The following CEP120 variants were observed in gnomAD, a reference collection of about 807,000 sequenced individuals.
CEP120 encodes the protein centrosomal protein of 120 kDa.
CEP120 carries 113 observed loss-of-function variants against 126.5 expected under a neutral mutation model. The ratio of observed to expected loss-of-function variants is 0.89; its 90% CI spans 0.77 to 1.04. The LOEUF is 1.04. CEP120 is among the 50% of genes least tolerant of loss of function. The pLI is 0.00. For missense variants in CEP120, 1,230 were observed against 1,155.7 expected, an observed-to-expected ratio of 1.06 and a Z score of -0.93; for synonymous variants, 400 against 394.3, an observed-to-expected ratio of 1.01 and a Z score of -0.17.
rs997408459 is a variant in CEP120, at chr5:123,416,189, A to G, written c.207-65T>C. On this transcript the variant is annotated intron_variant, in intron 2 of 19. Transcript: ENST00000306467. ...AATAAACTTTCTATTGGCCTTGAAAATATTTCCTATTATCAAGATACTTAT... is the reference window on the plus strand; with the variant it reads ...AATAAACTTTCTATTGGCCTTGAAAGTATTTCCTATTATCAAGATACTTAT... 1.9e-5 allele frequency: 16 copies of G among 863,814 alleles called. No homozygotes were observed. In the Admixed American group the frequency reaches 2.8e-4, roughly 15 times the overall value. The allele number at this position is 863,814 out of a possible 1,614,324, so 53.5% of individuals were successfully genotyped here.
At chr5:123,419,554 A>C (rs547561179) in intron 1 of CEP120, among the ~76,000 whole-genome samples, 320 of 60,040 alleles carry the variant, frequency 5.3e-3, no homozygotes, top group African/African-American at 0.015. Context: ...AAACAAAAAC[A>C]AAAAAAAAAA....
intron 17 of CEP120, among the ~76,000 whole-genome samples, chr5:123,368,573 C>T (rs1770632831): frequency 6.6e-6 from 1 of 151,918 alleles, no homozygotes. Context: ...CCCAAGATAG[C>T]TTGGCAGTTA....
chr5:123,390,204 A>C (rs1421119195), intron 7 of CEP120, 64 bp from the exon 8 acceptor site: 12 of 1,160,522 alleles, frequency 1.0e-5, no homozygotes, highest in African/African-American at 1.6e-5. Flanking sequence ...TAAGCAAAAA[A>C]CTTGGCATTG....
chr5:123,402,009 A>G, intron 4 of CEP120: 3 of 1,607,760 alleles, frequency 1.9e-6, no homozygotes, highest in East Asian at 2.2e-5. Flanking sequence ...CTGCTGCTCC[A>G]GGAACCGTAC....
intron 14 of CEP120, among the ~76,000 whole-genome samples, chr5:123,378,722 T>C (rs1156997568): frequency 1.3e-5 from 2 of 152,106 alleles, no homozygotes; most frequent in African/African-American, 4.8e-5. Flanking sequence ...TTAATCTAAA[T>C]TTACAGAGGA....
intron 4 of CEP120, among the ~76,000 whole-genome samples, chr5:123,400,080 C>G (rs1178614085): frequency 6.6e-6 from 1 of 152,162 alleles, no homozygotes; most frequent in African/African-American, 2.4e-5. Flanking sequence ...ATATCAGGGC[C>G]TATCAAAATT....
At chr5:123,370,836 G>A (rs960630749) in intron 17 of CEP120, among the ~76,000 whole-genome samples, 2 of 150,906 alleles carry the variant, frequency 1.3e-5, no homozygotes, top group Admixed American at 6.6e-5. Flanking sequence ...CTTGAACTGA[G>A]CTCAAGCAAT....
At chr5:123,408,339 T>A (rs1383676886) in intron 4 of CEP120, among the ~76,000 whole-genome samples, 1 of 150,554 alleles carries the variant, frequency 6.6e-6, no homozygotes, top group Non-Finnish European at 1.5e-5. Flanking sequence ...GCTGGTTCTC[T>A]GAAAAGATAA....
chr5:123,358,489 T>G (rs1769820502), intron 18 of CEP120: 1 of 152,148 alleles, frequency 6.6e-6, no homozygotes, highest in Non-Finnish European at 1.5e-5. Flanking sequence ...GTGTCTATGT[T>G]ATATGGTGCT....
intron 16 of CEP120, among the ~76,000 whole-genome samples, chr5:123,375,591 GGGATTA>G (rs57798853): frequency 0.41 from 61,803 of 151,664 alleles, 12,623 homozygotes; most frequent in East Asian, 0.48. Context: ...CGAAAGTGTT[GGGATTA>G]CAAGTGTGAA....
chr5:123,416,246 C>A (rs943505968), intron 2 of CEP120, 122 bp from the exon 3 acceptor site: 1 of 638,568 alleles, frequency 1.6e-6, no homozygotes, highest in African/African-American at 1.8e-5. Context: ...AACTATTTTA[C>A]ATTGTCTAAA....
intron 18 of CEP120, among the ~76,000 whole-genome samples, chr5:123,360,566 CCTTTT>C (rs1769999460): frequency 6.7e-6 from 1 of 149,842 alleles, no homozygotes; most frequent in Non-Finnish European, 1.5e-5. Flanking sequence ...CTTTTTTTTT[CCTTTT>C]CTTTACAAAA....
At chr5:123,363,645 C>G (rs975556917) in intron 18 of CEP120, among the ~76,000 whole-genome samples, 2 of 151,488 alleles carry the variant, frequency 1.3e-5, no homozygotes, top group Admixed American at 6.6e-5. Context: ...ACTACCTACC[C>G]TAGTTTTTAA....
chr5:123,371,367 G>C (rs1355707770), intron 17 of CEP120, among the ~76,000 whole-genome samples: 1 of 152,036 alleles, frequency 6.6e-6, no homozygotes, highest in African/African-American at 2.4e-5. Context: ...GGCAAAGAGA[G>C]AGCTGGTACA....
rs1365764641 is a variant in CEP120, at chr5:123,391,171, A to G, written c.977T>C (p.Val326Ala). Residue 326 changes from valine to alanine, a missense_variant, in exon 7 of 20, where the codon GTG (valine) becomes GCG (alanine). Val to Ala is a moderately conservative substitution (Grantham distance 64). Transcript: ENST00000306467. ...RAKQKLAPIP[V>A]ELAPTVGVSV... is the part of the protein sequence containing the mutation. ...CACTCCCACAGTTGGGGCTAGCTCCACAGGAATAGGTGCAAGCTTCTGTTT... is the reference window on the plus strand; with the variant it reads ...CACTCCCACAGTTGGGGCTAGCTCCGCAGGAATAGGTGCAAGCTTCTGTTT... The G allele has an allele frequency of 8.1e-6, 13 of 1,614,082 alleles. No individual in the cohort carries two copies. The highest frequency in any genetic ancestry group is 1.1e-5 in the Non-Finnish European group (13 of 1,180,046).
At chr5:123,395,681 CTTTTTT>C (rs369612860) in intron 5 of CEP120, among the ~76,000 whole-genome samples, 2 of 127,410 alleles carry the variant, frequency 1.6e-5, no homozygotes, top group Non-Finnish European at 3.3e-5. Flanking sequence ...TACTTCATTC[CTTTTTT>C]TTTTTTTTTT....
chr5:123,357,983 C>T (rs1769769432), intron 18 of CEP120, among the ~76,000 whole-genome samples: 1 of 152,002 alleles, frequency 6.6e-6, no homozygotes, highest in Non-Finnish European at 1.5e-5. Context: ...TTTAGTGAAG[C>T]TGAAGAAATG....
At chr5:123,386,490 A>G in intron 10 of CEP120, 28 bp downstream of exon 10, 1 of 1,350,478 alleles carries the variant, frequency 7.4e-7, no homozygotes, top group Non-Finnish European at 9.7e-7. Context: ...TAAATTAATT[A>G]ATATCATACA....
At chr5:123,402,243 C>G (rs368994953) in intron 4 of CEP120, 12 of 1,502,838 alleles carry the variant, frequency 8.0e-6, no homozygotes, top group South Asian at 2.4e-5. Flanking sequence ...GCTTGAGGAG[C>G]TGATGTGGGC....
Sources: allele counts gnomAD v4.1 joint callset (sites outside exome capture counted in the v4.1 genomes callset), GRCh38; gene constraint gnomAD v4.1.1; transcripts MANE v1.5; gene names NCBI Gene and HGNC (gene_info 2026-07-23, HGNC 2026-07-21).